The following KCNMB2 variants were observed in gnomAD, a reference collection of about 807,000 sequenced individuals.
KCNMB2 encodes the protein potassium calcium-activated channel subfamily M regulatory beta subunit 2.
Under a neutral mutation model 24.5 loss-of-function variants are expected in KCNMB2, and 9 were observed. The ratio of observed to expected loss-of-function variants is 0.37; its 90% CI spans 0.22 to 0.64. KCNMB2 has a LOEUF of 0.64. Among genes scored for constraint, KCNMB2 ranks in the 30% least tolerant of loss-of-function variants. The probability of loss-of-function intolerance (pLI) is 0.63; values close to 1 mark genes in which losing one functional copy is unlikely to be tolerated. For missense variants in KCNMB2, 226 were observed against 284.3 expected, an observed-to-expected ratio of 0.79 and a Z score of 1.47; for synonymous variants, 109 against 104.4, an observed-to-expected ratio of 1.04 and a Z score of -0.27.
At chr3:178,604,402 T>TAA (rs5854815) in intron 1 of KCNMB2, among the ~76,000 whole-genome samples, 6 of 146,066 alleles carry the variant, frequency 4.1e-5, no homozygotes, top group Admixed American at 1.4e-4. Context: ...TGAAGTGGTT[T>TAA]AAAAAAAAAA....
intron 1 of KCNMB2, among the ~76,000 whole-genome samples, chr3:178,773,395 G>T (rs1712455209): frequency 6.6e-6 from 1 of 151,980 alleles, no homozygotes; most frequent in Non-Finnish European, 1.5e-5. Flanking sequence ...AGCAGTAAAT[G>T]CTCAATAATA....
At chr3:178,836,872 G>A (rs1715250910) in intron 4 of KCNMB2, among the ~76,000 whole-genome samples, 1 of 152,038 alleles carries the variant, frequency 6.6e-6, no homozygotes, top group Non-Finnish European at 1.5e-5. Flanking sequence ...CCAACTAAGT[G>A]TATATCTCAC....
In KCNMB2 at chr3:178,769,704, A is replaced by G. The variant is rs1577173199; in HGVS notation, c.-67-37639A>G. ...GAGAATTTTTAAACTTGTAAATGTG[A>G]CAAACTGTTTCTAACGTTTATCTGG... On this transcript the variant is annotated intron_variant, in intron 1 of 4. Coordinates refer to ENST00000452583, the MANE Select transcript of KCNMB2 (RefSeq NM_181361.3). Among the ~76,000 whole-genome samples the G allele has an allele frequency of 2.6e-5, 4 of 152,336 alleles. No individual in the cohort carries two copies. The South Asian group carries it at 8.3e-4, about 32-fold the overall frequency.
intron 1 of KCNMB2, among the ~76,000 whole-genome samples, chr3:178,712,333 A>C (rs1722479470): frequency 6.6e-6 from 1 of 152,208 alleles, no homozygotes; most frequent in Non-Finnish European, 1.5e-5. Flanking sequence ...ATATTCCCTG[A>C]AGACTGTTCA....
chr3:178,842,665 C>T lies in KCNMB2; in HGVS notation c.436C>T (p.Pro146Ser). The change falls in exon 5 of 5, where the codon CCT (proline) becomes TCT (serine). Residue 146 changes from proline to serine, a missense_variant. Pro to Ser is a moderately conservative substitution (Grantham distance 74). Coordinates refer to ENST00000452583, the MANE Select transcript of KCNMB2 (RefSeq NM_181361.3). Reference protein sequence around the residue: ...IKINQKCSYIPKCGKNFEESM... With the variant: ...IKINQKCSYISKCGKNFEESM... ...TTATTCTCCACAGTGCTCCTATATACCTAAATGTGGAAAAAATTTTGAAGA... is the reference window on the plus strand; with the variant it reads ...TTATTCTCCACAGTGCTCCTATATATCTAAATGTGGAAAAAATTTTGAAGA... 6.2e-7 allele frequency: 1 copy of T among 1,608,174 alleles called. No individual in the cohort carries two copies. Among genetic ancestry groups the T allele is most frequent in the South Asian group, 1.1e-5 (1 of 90,712 alleles).
rs1026211952 is a variant in KCNMB2, at chr3:178,749,190, T to G, written c.-67-58153T>G. 3 of 152,228 alleles carry G rather than the reference T, an allele frequency of 2.0e-5. No individual in the cohort carries two copies. In the East Asian group the frequency reaches 5.8e-4, roughly 29 times the overall value. The allele number at this position is 152,228 out of a possible 1,614,324, so 9.4% of individuals were successfully genotyped here. ...TCTTCATCGTTAACAATGAGGATAT[T>G]AATATGTTTCACACAGTTGTTATGA... On this transcript the variant is annotated intron_variant, in intron 1 of 4. Transcript: ENST00000452583.
intron 1 of KCNMB2, among the ~76,000 whole-genome samples, chr3:178,662,690 G>GA (rs1327781895): frequency 6.6e-6 from 1 of 151,922 alleles, no homozygotes; most frequent in Admixed American, 6.6e-5. Context: ...TAACAAATAT[G>GA]AAAAAATTAC....
intron 1 of KCNMB2, among the ~76,000 whole-genome samples, chr3:178,754,901 C>T (rs1041227273): frequency 2.6e-5 from 4 of 152,184 alleles, no homozygotes; most frequent in Non-Finnish European, 5.9e-5. Context: ...TATGAACAGA[C>T]TAAAGTTCCT....
chr3:178,760,370 G>T (rs553701229), intron 1 of KCNMB2, among the ~76,000 whole-genome samples: 1,502 of 82,084 alleles, frequency 0.018, 64 homozygotes, highest in Middle Eastern at 0.067. Flanking sequence ...CCATATCCAA[G>T]ATATATATAT....
chr3:178,825,796 TC>T, intron 3 of KCNMB2, 38 bp downstream of exon 3: 2 of 1,525,090 alleles, frequency 1.3e-6, no homozygotes, highest in Non-Finnish European at 1.8e-6. Flanking sequence ...GCTGTTTGTC[TC>T]CTGCTCCATC....
chr3:178,648,881 G>T (rs1469038121), intron 1 of KCNMB2, among the ~76,000 whole-genome samples: 1 of 152,044 alleles, frequency 6.6e-6, no homozygotes, highest in East Asian at 1.9e-4. Context: ...GGCATTATTT[G>T]GTGTGCTAAT....
chr3:178,815,093 C>T (rs994007527), intron 2 of KCNMB2, among the ~76,000 whole-genome samples: 2 of 151,952 alleles, frequency 1.3e-5, no homozygotes, highest in African/African-American at 4.8e-5. Flanking sequence ...TTGACTATTG[C>T]ATATCACTTT....
At chr3:178,704,187 G>A (rs974234456) in intron 1 of KCNMB2, among the ~76,000 whole-genome samples, 1 of 152,010 alleles carries the variant, frequency 6.6e-6, no homozygotes, top group African/African-American at 2.4e-5. Context: ...CATGCCCTAT[G>A]TTTGATTTGC....
intron 1 of KCNMB2, among the ~76,000 whole-genome samples, chr3:178,795,872 C>T (rs1375419917): frequency 1.3e-5 from 2 of 152,102 alleles, no homozygotes; most frequent in Admixed American, 6.6e-5. Flanking sequence ...AGCTTTATTA[C>T]AGATTCTTTT....
At chr3:178,709,265 C>T (rs760963297) in intron 1 of KCNMB2, among the ~76,000 whole-genome samples, 7 of 152,106 alleles carry the variant, frequency 4.6e-5, no homozygotes, top group Admixed American at 6.6e-5. Context: ...GCTGTGAACG[C>T]GAAACAGAAA....
intron 1 of KCNMB2, among the ~76,000 whole-genome samples, chr3:178,756,769 T>C (rs912805827): frequency 1.3e-5 from 2 of 152,112 alleles, no homozygotes; most frequent in African/African-American, 2.4e-5. Context: ...CCTCTTTCTT[T>C]CTCTGGATGT....
chr3:178,657,040 G>A (rs1276261169), intron 1 of KCNMB2, among the ~76,000 whole-genome samples: 1 of 152,140 alleles, frequency 6.6e-6, no homozygotes, highest in Non-Finnish European at 1.5e-5. Context: ...CCTGCTAGAT[G>A]CTCTCTGTCT....
At chr3:178,694,770 G>T (rs948980231) in intron 1 of KCNMB2, among the ~76,000 whole-genome samples, 2 of 152,240 alleles carry the variant, frequency 1.3e-5, no homozygotes, top group African/African-American at 4.8e-5. Context: ...TGCCCATGTG[G>T]CTTTGAAAGG....
At chr3:178,568,809 AGATAGAT>A (rs1156345835) in intron 1 of KCNMB2, among the ~76,000 whole-genome samples, 1,326 of 51,528 alleles carry the variant, frequency 0.026, 32 homozygotes, top group African/African-American at 0.093. Context: ...ATAGATAGAT[AGATAGAT>A]AATAGATAGA....
Sources: gnomAD v4.1 joint callset for allele counts (sites outside exome capture counted in the v4.1 genomes callset) on GRCh38, gnomAD v4.1.1 for gene constraint, MANE v1.5 for transcripts, NCBI Gene and HGNC (gene_info 2026-07-23, HGNC 2026-07-21) for gene names.